PARD3B: variants seen among roughly 807,000 people sequenced by gnomAD.
PARD3B encodes the protein par-3 family cell polarity regulator beta.
A neutral mutation model predicts 130.2 loss-of-function variants in PARD3B; 103 were observed. The ratio of observed to expected loss-of-function variants is 0.79; its 90% confidence interval spans 0.67 to 0.93. The LOEUF (loss-of-function observed/expected upper bound fraction) is 0.93, where lower values mean the gene tolerates loss of function less well. PARD3B is among the 40% of genes least tolerant of loss of function. The pLI is 0.00. For missense variants in PARD3B, 1,609 were observed against 1,499.2 expected (o/e 1.07, Z -1.21); for synonymous variants, 583 against 553.2 (o/e 1.05, Z -0.76).
At chr2:204,765,895 T>C (rs6755540) in intron 2 of PARD3B, among the ~76,000 whole-genome samples, 12,098 of 152,162 alleles carry the variant, frequency 0.08, 761 homozygotes, top group African/African-American at 0.18. Flanking sequence ...TTCGAGCCCA[T>C]CGAACTTGCC....
chr2:205,205,038 G>C (rs770121325), intron 15 of PARD3B, among the ~76,000 whole-genome samples: 2 of 152,132 alleles, frequency 1.3e-5, no homozygotes, highest in African/African-American at 2.4e-5. Context: ...ATTACTTTGG[G>C]CAGTATGGCC....
intron 15 of PARD3B, among the ~76,000 whole-genome samples, chr2:205,204,714 C>T (rs768191376): frequency 2.6e-5 from 4 of 152,074 alleles, no homozygotes; most frequent in South Asian, 2.1e-4. Flanking sequence ...GAATCCTTTC[C>T]CCATTGCTTG....
chr2:205,596,368 A>G (rs776980637), intron 22 of PARD3B, among the ~76,000 whole-genome samples: 41 of 152,320 alleles, frequency 2.7e-4, no homozygotes, highest in Middle Eastern at 3.4e-3. Flanking sequence ...AGAATGTGAT[A>G]TTATATAGAA....
chr2:205,582,834 G>A (rs988796719), intron 22 of PARD3B, among the ~76,000 whole-genome samples: 1 of 151,652 alleles, frequency 6.6e-6, no homozygotes, highest in East Asian at 1.9e-4. Flanking sequence ...AACTGATGCA[G>A]GTGAGGGAAA....
chr2:204,865,073 T>C (rs1217266633), intron 2 of PARD3B, among the ~76,000 whole-genome samples: 1 of 152,036 alleles, frequency 6.6e-6, no homozygotes, highest in African/African-American at 2.4e-5. Context: ...AACCACGATA[T>C]GATATCACAC....
intron 2 of PARD3B, among the ~76,000 whole-genome samples, chr2:204,862,225 G>A (rs1182691878): frequency 1.3e-5 from 2 of 152,110 alleles, no homozygotes; most frequent in Non-Finnish European, 2.9e-5. Flanking sequence ...GGTCTTGCTG[G>A]AAGTGCAGTG....
chr2:205,570,775 C>G (rs1185791841), intron 22 of PARD3B, among the ~76,000 whole-genome samples: 1 of 152,206 alleles, frequency 6.6e-6, no homozygotes, highest in Non-Finnish European at 1.5e-5. Context: ...TTTACACATT[C>G]TGCTATCTTC....
chr2:204,687,867 C>T (rs904813455), intron 2 of PARD3B, among the ~76,000 whole-genome samples: 3 of 152,084 alleles, frequency 2.0e-5, no homozygotes, highest in East Asian at 1.9e-4. Flanking sequence ...TTAGGAAGGA[C>T]GAGAAGAAAA....
chr2:205,422,730 C>A (rs1173906001), intron 19 of PARD3B, among the ~76,000 whole-genome samples: 1 of 152,104 alleles, frequency 6.6e-6, no homozygotes, highest in African/African-American at 2.4e-5. Flanking sequence ...GAAGAGATTT[C>A]CTATGGTAAT....
chr2:204,608,710 G>T (rs545875083), intron 1 of PARD3B, among the ~76,000 whole-genome samples: 1 of 152,208 alleles, frequency 6.6e-6, no homozygotes, highest in East Asian at 1.9e-4. Context: ...CCCTGACTCT[G>T]GCAATATCTG....
At chr2:205,498,131 C>T (rs1444539669) in intron 20 of PARD3B, among the ~76,000 whole-genome samples, 1 of 148,314 alleles carries the variant, frequency 6.7e-6, no homozygotes, top group African/African-American at 2.5e-5. Flanking sequence ...ACGCAGGAGG[C>T]AGAGGTTGCA....
chr2:205,398,288 T>A (rs1011155624), intron 18 of PARD3B, among the ~76,000 whole-genome samples: 1 of 149,824 alleles, frequency 6.7e-6, no homozygotes, highest in Non-Finnish European at 1.5e-5. Flanking sequence ...GTAACAAGAG[T>A]GAAACAACGT....
At chr2:205,090,844 T>G (rs1702060223) in intron 4 of PARD3B, among the ~76,000 whole-genome samples, 1 of 152,186 alleles carries the variant, frequency 6.6e-6, no homozygotes, top group Non-Finnish European at 1.5e-5. Context: ...GTGGGGAAGT[T>G]CTTTATGAAG....
chr2:204,654,352 G>C (rs1368567046), intron 1 of PARD3B, among the ~76,000 whole-genome samples: 3 of 151,358 alleles, frequency 2.0e-5, no homozygotes, highest in Admixed American at 6.6e-5. Context: ...TAAACATGAG[G>C]ATTTATTCCT....
chr2:204,612,176 G>A (rs889229464), intron 1 of PARD3B, among the ~76,000 whole-genome samples: 3 of 152,230 alleles, frequency 2.0e-5, no homozygotes, highest in African/African-American at 7.2e-5. Flanking sequence ...AAATGTTGTA[G>A]ACACTGGGAT....
intron 18 of PARD3B, among the ~76,000 whole-genome samples, chr2:205,328,870 G>A (rs779007840): frequency 6.6e-6 from 1 of 151,972 alleles, no homozygotes; most frequent in Non-Finnish European, 1.5e-5. Flanking sequence ...TGGTTAAATG[G>A]GCCCTAAAGA....
At chr2:205,257,649 G>A (rs1343346086) in intron 16 of PARD3B, among the ~76,000 whole-genome samples, 2 of 152,168 alleles carry the variant, frequency 1.3e-5, no homozygotes, top group South Asian at 2.1e-4. Flanking sequence ...TTCACTTACA[G>A]CGCTGCTACA....
At position 205,281,295 on chromosome 2, in the gene PARD3B, A is replaced by G. The variant is rs2041179033; in HGVS notation, c.2186-19235A>G. The stretch of plus-strand genomic sequence containing the variant: ...TACTTTAGCATCTCAGGTACTGAAA[A>G]GAATTTGAAAATTAGAAACAGAATA... On this transcript the variant is annotated intron_variant, in intron 16 of 22. Coordinates refer to ENST00000406610, the MANE Select transcript of PARD3B (RefSeq NM_001302769.2). This position sits in a 1 kb window ranked among gnomAD's most constrained non-coding sequence, Gnocchi z 4.2. 6.6e-6 allele frequency among the ~76,000 whole-genome samples: 1 copy of G among 152,214 alleles called. No homozygotes were observed. Among genetic ancestry groups the G allele is most frequent in the Non-Finnish European group, 1.5e-5 (1 of 68,040 alleles).
intron 3 of PARD3B, among the ~76,000 whole-genome samples, chr2:205,005,440 T>C (rs114068797): frequency 0.024 from 3,622 of 152,184 alleles, 143 homozygotes; most frequent in African/African-American, 0.079. Flanking sequence ...TATTTAAAAA[T>C]AGAGAGGTCA....
Sources: gnomAD v4.1 joint callset for allele counts (sites outside exome capture counted in the v4.1 genomes callset) on GRCh38, gnomAD v4.1.1 for gene constraint, Gnocchi (gnomAD v3.1) non-coding constraint, MANE v1.5 for transcripts, NCBI Gene and HGNC (gene_info 2026-07-23, HGNC 2026-07-21) for gene names.